The following WWOX variants were observed in gnomAD, a reference collection of about 807,000 sequenced individuals.
WWOX encodes WW domain-containing oxidoreductase.
In WWOX, 69 loss-of-function variants were observed where a neutral mutation model predicts 46.2. The ratio of observed to expected loss-of-function variants is 1.49; its 90% CI spans 1.23 to 1.82. WWOX has a LOEUF of 1.82. Among genes scored for constraint, WWOX ranks in the 40% most tolerant of loss-of-function variants. The pLI is 0.00. For missense variants in WWOX, 919 were observed against 542.6 expected (o/e 1.69, Z -6.89); for synonymous variants, 359 against 202.6 (o/e 1.77, Z -6.56).
intron 8 of WWOX, among the ~76,000 whole-genome samples, chr16:79,036,702 G>T (rs1055472663): frequency 6.6e-6 from 1 of 152,200 alleles, no homozygotes; most frequent in African/African-American, 2.4e-5. Flanking sequence ...TTGAACGAGT[G>T]CTGGGATTGA....
chr16:79,027,492 A>C (rs1259833873), intron 8 of WWOX, among the ~76,000 whole-genome samples: 1 of 151,808 alleles, frequency 6.6e-6, no homozygotes, highest in Non-Finnish European at 1.5e-5. Flanking sequence ...CTGAATAAGA[A>C]CTAATGACTT....
At chr16:79,139,005 T>C (rs1175199725) in intron 8 of WWOX, among the ~76,000 whole-genome samples, 1 of 152,108 alleles carries the variant, frequency 6.6e-6, no homozygotes, top group Non-Finnish European at 1.5e-5. Context: ...ATTGATGACC[T>C]TTCTCTCCTG....
chr16:78,428,709 T>G (rs980676502), intron 7 of WWOX, among the ~76,000 whole-genome samples: 2 of 152,176 alleles, frequency 1.3e-5, no homozygotes, highest in African/African-American at 4.8e-5. Context: ...ACCTTATTCT[T>G]AACAGTAGAA....
chr16:78,257,104 G>C (rs990493957), intron 5 of WWOX, among the ~76,000 whole-genome samples: 6 of 151,898 alleles, frequency 4.0e-5, no homozygotes, highest in Non-Finnish European at 8.8e-5. Flanking sequence ...ATACAGGCTC[G>C]TGGCGTGGGG....
chr16:78,168,095 T>C (rs1440963362), intron 5 of WWOX: 1 of 152,230 alleles, frequency 6.6e-6, no homozygotes, highest in East Asian at 1.9e-4. Flanking sequence ...AAGTTTTTTG[T>C]TGCAGCAAAA....
chr16:79,056,084 T>TA (rs144063291), intron 8 of WWOX, among the ~76,000 whole-genome samples: 18,753 of 150,970 alleles, frequency 0.12, 2,191 homozygotes, highest in African/African-American at 0.3. Context: ...GCTCAGCTTG[T>TA]AAAAAAAAAG....
At chr16:78,142,364 C>G (rs2034018104) in intron 4 of WWOX, among the ~76,000 whole-genome samples, 1 of 152,172 alleles carries the variant, frequency 6.6e-6, no homozygotes, top group South Asian at 2.1e-4. Flanking sequence ...GTTATAGCCA[C>G]AGGAACTCCT....
intron 8 of WWOX, among the ~76,000 whole-genome samples, chr16:79,191,103 G>C (rs1016002962): frequency 1.3e-5 from 2 of 152,036 alleles, no homozygotes; most frequent in Admixed American, 6.5e-5. Context: ...GCCCAGGCTG[G>C]AGTGCAGTGG....
At chr16:78,391,404 G>A (rs1307949336) in intron 6 of WWOX, among the ~76,000 whole-genome samples, 1 of 152,214 alleles carries the variant, frequency 6.6e-6, no homozygotes, top group Non-Finnish European at 1.5e-5. Flanking sequence ...AGTGCAGAGA[G>A]CCTAAGACAC....
chr16:79,068,268 C>T (rs1330465409), intron 8 of WWOX, among the ~76,000 whole-genome samples: 1 of 152,180 alleles, frequency 6.6e-6, no homozygotes, highest in Non-Finnish European at 1.5e-5. Flanking sequence ...CTGTGTCAAG[C>T]ACTTCCCATA....
At chr16:78,369,442 T>C (rs781523483) in intron 5 of WWOX, among the ~76,000 whole-genome samples, 7 of 152,034 alleles carry the variant, frequency 4.6e-5, no homozygotes, top group Non-Finnish European at 1.0e-4. Context: ...AGAACCAAAA[T>C]AAAGAGTTTA....
At chr16:79,130,706 T>TGCG (rs1341024587) in intron 8 of WWOX, among the ~76,000 whole-genome samples, 1 of 152,236 alleles carries the variant, frequency 6.6e-6, no homozygotes, top group Non-Finnish European at 1.5e-5. Flanking sequence ...AATGAAGTGC[T>TGCG]GCGGTACTGG....
At chr16:78,789,956 C>T (rs925100562) in intron 8 of WWOX, among the ~76,000 whole-genome samples, 14 of 152,128 alleles carry the variant, frequency 9.2e-5, no homozygotes, top group African/African-American at 3.4e-4. Flanking sequence ...GTTACTTCAC[C>T]TCTCCAAGCC....
chr16:78,255,224 A>G (rs2038096120), intron 5 of WWOX, among the ~76,000 whole-genome samples: 1 of 152,190 alleles, frequency 6.6e-6, no homozygotes, highest in African/African-American at 2.4e-5. Context: ...CTGTCCTTCT[A>G]GTCAGTTTCT....
intron 8 of WWOX, among the ~76,000 whole-genome samples, chr16:78,811,169 ACAAT>A (rs1375997538): frequency 6.6e-6 from 1 of 152,178 alleles, no homozygotes; most frequent in African/African-American, 2.4e-5. Flanking sequence ...TATCCGAAAA[ACAAT>A]CAGTGTTTTG....
At chr16:78,938,234 G>A (rs958387445) in intron 8 of WWOX, among the ~76,000 whole-genome samples, 30 of 152,214 alleles carry the variant, frequency 2.0e-4, no homozygotes, top group African/African-American at 5.8e-4. Context: ...ACACCTGGAC[G>A]TGAACTAGAG....
At chr16:78,958,192 C>G (rs1403638579) in intron 8 of WWOX, among the ~76,000 whole-genome samples, 1 of 152,198 alleles carries the variant, frequency 6.6e-6, no homozygotes, top group Admixed American at 6.5e-5. Context: ...GACCGCCAGA[C>G]TAGCTGACTT....
chr16:78,772,584 G>A (rs536683772), intron 8 of WWOX, among the ~76,000 whole-genome samples: 2 of 152,256 alleles, frequency 1.3e-5, no homozygotes, highest in African/African-American at 4.8e-5. Context: ...AAATACTTTG[G>A]AAGAGATTAA....
At chr16:78,511,549 C>T (rs568710902) in intron 8 of WWOX, among the ~76,000 whole-genome samples, 2 of 152,258 alleles carry the variant, frequency 1.3e-5, no homozygotes, top group East Asian at 1.9e-4. Context: ...AAAATGGATT[C>T]GAGTGATTAC....
Sources: allele counts gnomAD v4.1 joint callset (sites outside exome capture counted in the v4.1 genomes callset), GRCh38; gene constraint gnomAD v4.1.1; transcripts MANE v1.5; gene names NCBI Gene and HGNC (gene_info 2026-07-23, HGNC 2026-07-21).